The following ADAMTS9 variants were observed in gnomAD, a reference collection of about 807,000 sequenced individuals.
ADAMTS9 encodes the protein ADAM metallopeptidase with thrombospondin type 1 motif 9.
A neutral mutation model predicts 257.1 loss-of-function variants in ADAMTS9; 107 were observed. The ratio of observed to expected loss-of-function variants is 0.42; its 90% CI spans 0.36 to 0.49. The LOEUF (loss-of-function observed/expected upper bound fraction) is 0.49, where lower values mean the gene tolerates loss of function less well. Among genes scored for constraint, ADAMTS9 ranks in the 20% least tolerant of loss-of-function variants. ADAMTS9 has a pLI of 0.03. For synonymous variants in ADAMTS9, 982 were observed against 880.9 expected, an observed-to-expected ratio of 1.11 and a Z score of -2.03; for missense variants, 2,353 against 2,469.1, an observed-to-expected ratio of 0.95 and a Z score of 1.00.
chr3:64,594,217 T>C, intron 28 of ADAMTS9, 41 bp downstream of exon 28: 1 of 1,578,224 alleles, frequency 6.3e-7, no homozygotes, highest in Non-Finnish European at 8.6e-7. Flanking sequence ...ACCTTGGAAT[T>C]AGATAGTTTG....
At chr3:64,571,465 T>A (rs550963642) in intron 28 of ADAMTS9, among the ~76,000 whole-genome samples, 1 of 152,334 alleles carries the variant, frequency 6.6e-6, no homozygotes, top group Admixed American at 6.5e-5. Context: ...ATCTGAGGTA[T>A]AACTGACATC....
chr3:64,680,351 G>T (rs1371248898), intron 3 of ADAMTS9, among the ~76,000 whole-genome samples: 1 of 152,138 alleles, frequency 6.6e-6, no homozygotes, highest in Admixed American at 6.5e-5. Flanking sequence ...TAGAGACAGG[G>T]AAGTCCAAGA....
intron 29 of ADAMTS9, among the ~76,000 whole-genome samples, chr3:64,564,795 G>C (rs1029543426): frequency 1.3e-5 from 2 of 151,756 alleles, no homozygotes; most frequent in African/African-American, 4.8e-5. Flanking sequence ...TCTAGGCTAA[G>C]CATTTTACAT....
In ADAMTS9 at chr3:64,615,379, G is replaced by T. The variant is rs1559792965; in HGVS notation, c.3131C>A (p.Thr1044Asn). The T allele has an allele frequency of 6.2e-7, 1 of 1,613,988 alleles. No homozygotes were observed. The highest frequency in any genetic ancestry group is 8.5e-7 in the Non-Finnish European group (1 of 1,179,934). Residue 1044 changes from threonine to asparagine, a missense_variant, in exon 21 of 40, where the codon ACC becomes AAC. Coordinates refer to ENST00000498707, the MANE Select transcript of ADAMTS9 (RefSeq NM_182920.2). ...AGGGAACTCACTGCACCTCTGAATG[G>T]TAACTTTCTCTTGATGTGTGCATTT... is the stretch of plus-strand genomic sequence containing the variant. ...DSKCTHQEKV[T>N]IQRCSEFPCP...
At chr3:64,646,631 C>A (rs76522906) in intron 11 of ADAMTS9, among the ~76,000 whole-genome samples, 2 of 152,168 alleles carry the variant, frequency 1.3e-5, no homozygotes, top group African/African-American at 4.8e-5. Context: ...GACTCTGTTG[C>A]CAATTTAAGT....
In ADAMTS9 at chr3:64,649,720, C is replaced by T. The variant is rs769459678; in HGVS notation, c.1522G>A (p.Val508Ile). Residue 508 changes from valine (V) to isoleucine (I), a missense_variant, in exon 10 of 40, where the codon GTC (valine) becomes ATC (isoleucine). Physicochemically the swap from Val to Ile is conservative, Grantham distance 29 (BLOSUM62 3). Transcript: ENST00000498707. ...EPESRPYPLP[V>I]QLPGILYNVN... ...TTGTAAAGGATGCCTGGCAGTTGGA[C>T]AGGCAAAGGGTAGGGTCTGGATTCA... The T allele has an allele frequency of 3.8e-5, 62 of 1,613,878 alleles. No individual in the cohort carries two copies. The South Asian group carries it at 5.8e-4, about 15-fold the overall frequency.
In ADAMTS9 at chr3:64,541,538, T is replaced by TC; in HGVS notation, c.5279dup (p.Leu1762AlafsTer12). On this transcript the variant is annotated frameshift_variant, in exon 34 of 40. Coordinates refer to ENST00000498707, the MANE Select transcript of ADAMTS9 (RefSeq NM_182920.2). LOFTEE classifies it high-confidence loss of function. The stretch of plus-strand genomic sequence containing the variant: ...GTCTGACATTCACCTTCAGAAGCTT[T>TC]CCTCTAATCATCAGGAAATATTCAC... The TC allele has an allele frequency of 6.2e-7, 1 of 1,614,062 alleles. No individual in the cohort carries two copies. Among genetic ancestry groups the TC allele is most frequent in the Non-Finnish European group, 8.5e-7 (1 of 1,179,912 alleles).
chr3:64,553,313 C>T (rs1206578024), intron 30 of ADAMTS9, among the ~76,000 whole-genome samples: 2 of 152,234 alleles, frequency 1.3e-5, no homozygotes, highest in African/African-American at 2.4e-5. Context: ...CAATATGTGG[C>T]CTTTATTACC....
chr3:64,622,897 A>T (rs1700142311), intron 16 of ADAMTS9, among the ~76,000 whole-genome samples: 2 of 152,228 alleles, frequency 1.3e-5, no homozygotes, highest in Non-Finnish European at 2.9e-5. Flanking sequence ...CAAGACCCAC[A>T]GTTATAGAAT....
At position 64,541,617 on chromosome 3, in the gene ADAMTS9, T is replaced by G. The variant is rs776637203; in HGVS notation, c.5201A>C (p.Glu1734Ala). 1.2e-6 allele frequency: 2 copies of G among 1,613,298 alleles called. No individual in the cohort carries two copies. Among genetic ancestry groups the G allele is most frequent in the Admixed American group, 3.3e-5 (2 of 60,014 alleles). ...RKTCRNVYNC[E>A]LPQNCKEVKR... ...TACCTCCTTGCAATTCTGGGGTAAC[T>G]CACCTAGAAAACACCAATCACAAAA... Residue 1734 changes from glutamate (E) to alanine (A), a missense_variant, in exon 34 of 40, where the codon GAG (glutamate) becomes GCG (alanine). Transcript: ENST00000498707.
chr3:64,541,759 A>G, intron 33 of ADAMTS9, 79 bp downstream of exon 33: 1 of 1,584,820 alleles, frequency 6.3e-7, no homozygotes. Context: ...CTATATTTCT[A>G]AAAAGGGCAG....
intron 12 of ADAMTS9, among the ~76,000 whole-genome samples, chr3:64,638,571 T>C (rs190695572): frequency 3.9e-5 from 6 of 152,278 alleles, no homozygotes; most frequent in Admixed American, 3.9e-4. Flanking sequence ...ATGATCATCT[T>C]ATCTGTAGGG....
At chr3:64,625,090 A>AT (rs1441311247) in intron 16 of ADAMTS9, among the ~76,000 whole-genome samples, 1 of 152,186 alleles carries the variant, frequency 6.6e-6, no homozygotes, top group African/African-American at 2.4e-5. Context: ...CAGGCCATAT[A>AT]TTTAGGTGAA....
chr3:64,655,495 G>T, intron 6 of ADAMTS9, 81 bp downstream of exon 6: 3 of 1,181,108 alleles, frequency 2.5e-6, no homozygotes, highest in Non-Finnish European at 2.5e-6. Flanking sequence ...TCCACTAGCA[G>T]CTGACTATTA....
chr3:64,595,924 G>A (rs1346864539), intron 27 of ADAMTS9, among the ~76,000 whole-genome samples: 2 of 152,138 alleles, frequency 1.3e-5, no homozygotes, highest in African/African-American at 4.8e-5. Flanking sequence ...CAAGAATAGA[G>A]AGATATATTC....
intron 26 of ADAMTS9, 51 bp from the exon 27 acceptor site, chr3:64,597,042 G>A: frequency 1.2e-6 from 2 of 1,604,698 alleles, no homozygotes; most frequent in Non-Finnish European, 1.7e-6. Flanking sequence ...CCATCTTAGG[G>A]ACACAGAAGC....
At chr3:64,611,526 T>C (rs1187041368) in intron 22 of ADAMTS9, among the ~76,000 whole-genome samples, 1 of 152,116 alleles carries the variant, frequency 6.6e-6, no homozygotes, top group Non-Finnish European at 1.5e-5. Flanking sequence ...CCCCAGACTT[T>C]TGGGCACCCA....
chr3:64,545,649 C>A (rs1234423304), intron 32 of ADAMTS9, among the ~76,000 whole-genome samples: 1 of 152,074 alleles, frequency 6.6e-6, no homozygotes, highest in Non-Finnish European at 1.5e-5. Flanking sequence ...AGGAGATACA[C>A]CTAATATAAA....
In ADAMTS9 at chr3:64,596,812, C is replaced by G. The variant is rs75201001; in HGVS notation, c.4179+18G>C. 10,220 of 1,613,392 alleles carry G rather than the reference C, an allele frequency of 6.3e-3. 529 individuals carry two copies. The African/African-American group carries it at 0.12, about 19-fold the overall frequency. On this transcript the variant is annotated intron_variant, in intron 27 of 39. Transcript: ENST00000498707. ...AACACAATTCCTCTGTATTTATAGA[C>G]GGATAGTTCACTCTCACCTCTCCCC...
Sources: gnomAD v4.1 joint callset for allele counts (sites outside exome capture counted in the v4.1 genomes callset) on GRCh38, gnomAD v4.1.1 for gene constraint, MANE v1.5 for transcripts, NCBI Gene and HGNC (gene_info 2026-07-23, HGNC 2026-07-21) for gene names.